The following SLC36A1 variants were observed in gnomAD, a reference collection of about 807,000 sequenced individuals.
SLC36A1 encodes solute carrier family 36 member 1.
A neutral mutation model predicts 47.5 loss-of-function variants in SLC36A1; 30 were observed. That is an observed-to-expected ratio of 0.63 (90% CI 0.47 to 0.86). The LOEUF (loss-of-function observed/expected upper bound fraction) is 0.86, where lower values mean the gene tolerates loss of function less well. SLC36A1 is among the 40% of genes least tolerant of loss of function. The pLI is 0.00. For synonymous variants in SLC36A1, 255 were observed against 249.7 expected, an observed-to-expected ratio of 1.02 and a Z score of -0.20; for missense variants, 517 against 606.0, an observed-to-expected ratio of 0.85 and a Z score of 1.54.
rs529795575 is a variant in SLC36A1 at position 151,478,668 on chromosome 5, A to C, written c.990-652A>C. Among the ~76,000 whole-genome samples the C allele has an allele frequency of 2.0e-3, 306 of 152,328 alleles. 1 individual carries two copies. The highest frequency in any genetic ancestry group is 3.7e-3 in the Non-Finnish European group (250 of 68,034). On this transcript the variant is annotated intron_variant, in intron 9 of 10. Coordinates refer to ENST00000243389, the MANE Select transcript of SLC36A1 (RefSeq NM_078483.4). ...GATTTTCAAAAGGTATATAGAGAGC[A>C]TTAAGCTTCCACCCCGCGCCCTCCA...
the SLC36A1 span, chr5:151,528,285 T>C: frequency 1.2e-6 from 1 of 835,100 alleles, no homozygotes; most frequent in South Asian, 1.9e-5. Context: ...TCTCTTCACT[T>C]ACATCCTCGT....
At chr5:151,364,805 G>C in the SLC36A1 span, among the ~76,000 whole-genome samples, 1 of 152,060 alleles carries the variant, frequency 6.6e-6, no homozygotes, top group African/African-American at 2.4e-5. Context: ...ACACCAACAG[G>C]CTTTTCTTCC....
At position 151,465,060 on chromosome 5, in the gene SLC36A1, T is replaced by G; in HGVS notation, c.324-14T>G. ...CACGTGCTCTGTCCTTCCTCTTCCC[T>G]CCTACTCTTCCAGGCTGAATAAATC... On this transcript the variant is annotated splice_polypyrimidine_tract_variant and intron_variant, in intron 4 of 10. Transcript: ENST00000243389. The G allele has an allele frequency of 6.2e-7, 1 of 1,602,096 alleles. No individual in the cohort carries two copies. Among genetic ancestry groups the G allele is most frequent in the Non-Finnish European group, 8.6e-7 (1 of 1,168,940 alleles).
intron 8 of SLC36A1, 145 bp downstream of exon 8, chr5:151,473,916 T>C (rs1050757143): frequency 2.1e-5 from 14 of 671,346 alleles, no homozygotes; most frequent in Admixed American, 1.0e-4. Context: ...TCTCAGCACT[T>C]TGGGAGGCCT....
chr5:151,529,478 A>G, the SLC36A1 span: 1 of 1,159,470 alleles, frequency 8.6e-7, no homozygotes, highest in Non-Finnish European at 1.3e-6. Flanking sequence ...GCCCTAGGAG[A>G]GGCAGCTCAA....
the SLC36A1 span, chr5:151,534,612 C>T: frequency 1.7e-5 from 27 of 1,612,730 alleles, no homozygotes; most frequent in East Asian, 2.0e-4. Context: ...CTTCCTTTCT[C>T]GGTCTAGGGC....
At chr5:151,476,952 T>C (rs1305494506) in intron 9 of SLC36A1, 196 bp downstream of exon 9, 1 of 734,554 alleles carries the variant, frequency 1.4e-6, no homozygotes, top group African/African-American at 1.7e-5. Flanking sequence ...AGCCTTCTGC[T>C]GAAGCCATTG....
At chr5:151,407,460 T>A in the SLC36A1 span, among the ~76,000 whole-genome samples, 1 of 151,376 alleles carries the variant, frequency 6.6e-6, no homozygotes, top group Non-Finnish European at 1.5e-5. Flanking sequence ...GTTCTCCAAG[T>A]CCCCACCTGA....
At chr5:151,507,625 G>GAAT in the SLC36A1 span, 312 of 1,587,634 alleles carry the variant, frequency 2.0e-4, 1 homozygote, top group African/African-American at 3.8e-3. Flanking sequence ...CGGAGACAGA[G>GAAT]TAGTCAGGGG....
At chr5:151,372,567 C>T in the SLC36A1 span, among the ~76,000 whole-genome samples, 1 of 152,028 alleles carries the variant, frequency 6.6e-6, no homozygotes, top group Non-Finnish European at 1.5e-5. Flanking sequence ...CCTTAGCCTC[C>T]TAAGTAGCTA....
rs193112435 is a variant in SLC36A1, at chr5:151,452,953, G to A, written c.-6+5140G>A. On this transcript the variant is annotated intron_variant, in intron 1 of 10. Transcript: ENST00000243389. ...ATGGTGACTCATGCCTGTAATCCCAGCACTTTGGGAGGCCAAGGTGGGTGG... is the reference window on the plus strand; with the variant it reads ...ATGGTGACTCATGCCTGTAATCCCAACACTTTGGGAGGCCAAGGTGGGTGG... 4.9e-3 allele frequency among the ~76,000 whole-genome samples: 732 copies of A among 150,630 alleles called. 4 individuals carry two copies. Among genetic ancestry groups the A allele is most frequent in the Non-Finnish European group, 7.2e-3 (486 of 67,726 alleles).
At chr5:151,456,439 T>C (rs928274639) in intron 1 of SLC36A1, among the ~76,000 whole-genome samples, 4 of 152,248 alleles carry the variant, frequency 2.6e-5, no homozygotes. Flanking sequence ...AAGCAAACTG[T>C]TGACAGAGGT....
At position 151,490,399 on chromosome 5, in the gene SLC36A1, A is replaced by G. The variant is rs1760009375; in HGVS notation, c.*2145A>G. 2 of 152,254 alleles carry G rather than the reference A, an allele frequency of 1.3e-5. No individual in the cohort carries two copies. The highest frequency in any genetic ancestry group is 2.1e-4 in the South Asian group (1 of 4,828). The allele number at this position is 152,254 out of a possible 1,614,324, so 9.4% of individuals were successfully genotyped here. A position where few individuals can be genotyped will look rare whatever the true frequency, so the allele number is the denominator to read the frequency against. ...GGTCTCAGTGAGAAGGTAGATGCCA[A>G]CTGGAGGGCCAGACCTGTGTCCTGC... On this transcript the variant is annotated 3_prime_UTR_variant, in exon 11 of 11. Coordinates refer to ENST00000243389, the MANE Select transcript of SLC36A1 (RefSeq NM_078483.4).
chr5:151,531,940 G>T, the SLC36A1 span: 6 of 1,614,184 alleles, frequency 3.7e-6, no homozygotes, highest in Non-Finnish European at 5.1e-6. This position sits in a 1 kb window ranked among gnomAD's most constrained non-coding sequence, Gnocchi z 5.7. Flanking sequence ...GGCTGAATCC[G>T]GCAGAGAGTA....
chr5:151,522,925 C>T, the SLC36A1 span, among the ~76,000 whole-genome samples: 1 of 152,132 alleles, frequency 6.6e-6, no homozygotes, highest in Non-Finnish European at 1.5e-5. Context: ...GTGACAGGAC[C>T]TCACTTAAGT....
the SLC36A1 span, among the ~76,000 whole-genome samples, chr5:151,377,347 CTTT>C: frequency 8.3e-6 from 1 of 120,304 alleles, no homozygotes. Flanking sequence ...CTGTCTCTTT[CTTT>C]TTTTTTTTTT....
chr5:151,378,035 G>A, the SLC36A1 span: 4 of 265,320 alleles, frequency 1.5e-5, no homozygotes, highest in African/African-American at 9.1e-5. Flanking sequence ...CTGGAAATGG[G>A]CTATTAAGCT....
At chr5:151,498,440 T>C in the SLC36A1 span, among the ~76,000 whole-genome samples, 4 of 152,222 alleles carry the variant, frequency 2.6e-5, no homozygotes, top group Admixed American at 1.3e-4. Context: ...TGAAGGAAAG[T>C]ACTGGTAATA....
chr5:151,453,778 TA>T (rs568610788), intron 1 of SLC36A1, among the ~76,000 whole-genome samples: 371 of 145,976 alleles, frequency 2.5e-3, no homozygotes, highest in African/African-American at 4.8e-3. Flanking sequence ...GGCCTTGCCT[TA>T]AAAAAAAAAA....
Sources: allele counts gnomAD v4.1 joint callset (sites outside exome capture counted in the v4.1 genomes callset), GRCh38; gene constraint gnomAD v4.1.1; non-coding constraint Gnocchi (gnomAD v3.1); transcripts MANE v1.5; gene names NCBI Gene and HGNC (gene_info 2026-07-23, HGNC 2026-07-21).